Variants in PISD observed in about 807,000 individuals in gnomAD.
The protein encoded by PISD is phosphatidylserine decarboxylase proenzyme, mitochondrial.
A neutral mutation model predicts 43.5 loss-of-function variants in PISD; 31 were observed. The ratio of observed to expected loss-of-function variants is 0.71; its 90% CI spans 0.54 to 0.96. The LOEUF (loss-of-function observed/expected upper bound fraction) is 0.96. Ranked by LOEUF, PISD falls within the 40% of genes least tolerant of loss-of-function variation. PISD has a pLI of 0.00. For synonymous variants in PISD, 259 were observed against 228.7 expected (o/e 1.13, Z -1.20); for missense variants, 523 against 548.4 (o/e 0.95, Z 0.46).
rs2073139314 is a variant in PISD at position 31,630,317 on chromosome 22, AC to A, written c.322-8433del. Reference sequence around the variant, plus strand: ...TCTGGGCAAAGGCAGTAAGCCGGCCACCCGCTCCCTGGCCCTCGGGCGCCGC... The same window carrying A: ...TCTGGGCAAAGGCAGTAAGCCGGCCACCGCTCCCTGGCCCTCGGGCGCCGC... On this transcript the variant is annotated intron_variant, in intron 3 of 7. Coordinates refer to ENST00000439502, the MANE Select transcript of PISD (RefSeq NM_001326411.2). This position sits in a 1 kb window ranked among gnomAD's most constrained non-coding sequence, Gnocchi z 4.4. Among the ~76,000 whole-genome samples the A allele has an allele frequency of 1.3e-5, 2 of 151,832 alleles. No homozygotes were observed. The highest frequency in any genetic ancestry group is 4.8e-5 in the African/African-American group (2 of 41,304).
intron 3 of PISD, chr22:31,638,395 G>A (rs2073580104): frequency 3.0e-6 from 3 of 985,428 alleles, no homozygotes; most frequent in Admixed American, 6.2e-5. Context: ...AAGCAAAAGT[G>A]TCCACCAAAT....
chr22:31,634,779 A>G (rs2073356966), intron 3 of PISD, among the ~76,000 whole-genome samples: 1 of 137,458 alleles, frequency 7.3e-6, no homozygotes, highest in Non-Finnish European at 1.5e-5. Context: ...CAGAGGTTGC[A>G]GTGAGCTGAG....
intron 3 of PISD, among the ~76,000 whole-genome samples, chr22:31,625,382 T>G (rs1242689365): frequency 6.6e-6 from 1 of 152,138 alleles, no homozygotes; most frequent in Non-Finnish European, 1.5e-5. Flanking sequence ...AGGGACCAAC[T>G]GGGAAGAGCT....
chr22:31,640,356 C>A, intron 3 of PISD, among the ~76,000 whole-genome samples: 1 of 151,848 alleles, frequency 6.6e-6, no homozygotes. Flanking sequence ...TGCCACCACA[C>A]CGGTTGATTT....
chr22:31,621,869 G>GA lies in PISD; in HGVS notation c.337dup (p.Ser113PhefsTer76), dbSNP rs778194666. On this transcript the variant is annotated frameshift_variant, in exon 4 of 8. Coordinates refer to ENST00000439502, the MANE Select transcript of PISD (RefSeq NM_001326411.2). LOFTEE classifies it high-confidence loss of function. Reference sequence around the variant, plus strand: ...CCGTGACAGCAAGCGCGTTGGCACTGACTTGTACAAAGCCACCTGCAGGCC... The same window carrying GA: ...CCGTGACAGCAAGCGCGTTGGCACTGAACTTGTACAAAGCCACCTGCAGGCC... The GA allele has an allele frequency of 3.8e-5, 61 of 1,608,664 alleles. No homozygotes were observed. The highest frequency in any genetic ancestry group is 2.3e-4 in the Admixed American group (14 of 60,010).
intron 3 of PISD, among the ~76,000 whole-genome samples, chr22:31,637,167 ATATATATATATATAT>A (rs2073519592): frequency 1.0e-4 from 2 of 19,226 alleles, no homozygotes; most frequent in African/African-American, 3.5e-4. Context: ...AAAAAAAAAT[ATATATATATATATAT>A]ATATATATAT....
At chr22:31,642,474 C>G (rs947896449) in intron 3 of PISD, among the ~76,000 whole-genome samples, 1 of 150,392 alleles carries the variant, frequency 6.6e-6, no homozygotes, top group African/African-American at 2.5e-5. Flanking sequence ...AAACAAAAAA[C>G]AAACAAACAG....
rs2073175354 is a variant in PISD at position 31,630,868 on chromosome 22, G to C, written c.322-8983C>G. On this transcript the variant is annotated intron_variant, in intron 3 of 7. Coordinates refer to ENST00000439502, the MANE Select transcript of PISD (RefSeq NM_001326411.2). This position sits in a 1 kb window ranked among gnomAD's most constrained non-coding sequence, Gnocchi z 4.4. Reference sequence around the variant, plus strand: ...GGCGCTCCCGGAGCCGGGAAGCCTTGGGGCGAGTGGGCGGGGCTCGGGCTC... The same window carrying C: ...GGCGCTCCCGGAGCCGGGAAGCCTTCGGGCGAGTGGGCGGGGCTCGGGCTC... 4.1e-6 allele frequency: 4 copies of C among 985,434 alleles called. No homozygotes were observed. Among genetic ancestry groups the C allele is most frequent in the South Asian group, 9.4e-5 (2 of 21,290 alleles). The allele number at this position is 985,434 out of a possible 1,614,324, so 61.0% of individuals were successfully genotyped here.
intron 3 of PISD, chr22:31,623,626 C>A (rs1169798545): frequency 5.2e-6 from 8 of 1,526,830 alleles, no homozygotes; most frequent in Non-Finnish European, 7.1e-6. Context: ...CTCCTGCACC[C>A]CAACCTCAGG....
chr22:31,660,535 G>C (rs2074288287), intron 1 of PISD, among the ~76,000 whole-genome samples: 1 of 152,056 alleles, frequency 6.6e-6, no homozygotes, highest in South Asian at 2.1e-4. Context: ...GCGTGCACCT[G>C]TGGTCCTAGC....
intron 3 of PISD, among the ~76,000 whole-genome samples, chr22:31,626,627 G>C (rs2072924347): frequency 1.3e-5 from 2 of 152,144 alleles, no homozygotes; most frequent in Non-Finnish European, 2.9e-5. Flanking sequence ...GAACAGGCCA[G>C]GACTGCAGCA....
In PISD at chr22:31,630,209, G is replaced by A. The variant is rs2073132862; in HGVS notation, c.322-8324C>T. On this transcript the variant is annotated intron_variant, in intron 3 of 7. Transcript: ENST00000439502. The surrounding 1 kb of genome is among the most constrained non-coding windows in gnomAD (Gnocchi z 4.4). ...CCAGGAGGCCCTGGGAAGAGGGCAG[G>A]CAGGACTCGCAGGGGTCTATCCTAG... Among the ~76,000 whole-genome samples, 1 of 152,116 alleles carries A rather than the reference G, an allele frequency of 6.6e-6. No homozygotes were observed.
Position 31,621,817 on chromosome 22 carries a change from C to G in PISD, c.390G>C (p.Glu130Asp). Reference sequence around the variant, plus strand: ...CGGGCCTGCGCAGCCAGTGTGGCAGCTCCACCTGATTGAGGCGACCCCAGG... The same window carrying G: ...CGGGCCTGCGCAGCCAGTGTGGCAGGTCCACCTGATTGAGGCGACCCCAGG... Reference protein sequence around the residue: ...SRAWGRLNQVELPHWLRRPVY... With the variant: ...SRAWGRLNQVDLPHWLRRPVY... The change falls in exon 4 of 8, where the codon GAG becomes GAC. Residue 130 changes from glutamate (E) to aspartate (D), a missense_variant. Physicochemically the swap from Glu to Asp is conservative, Grantham distance 45 (BLOSUM62 2). Coordinates refer to ENST00000439502, the MANE Select transcript of PISD (RefSeq NM_001326411.2). 6.2e-7 allele frequency: 1 copy of G among 1,613,554 alleles called. No homozygotes were observed. The highest frequency in any genetic ancestry group is 1.1e-5 in the South Asian group (1 of 91,088).
At chr22:31,661,973 C>A (rs2074332308) in intron 1 of PISD, among the ~76,000 whole-genome samples, 171 bp downstream of exon 1, 1 of 152,160 alleles carries the variant, frequency 6.6e-6, no homozygotes, top group East Asian at 1.9e-4. Context: ...TAAATCCGGA[C>A]CGCCCTACGC....
chr22:31,647,848 C>T (rs1397118326), intron 3 of PISD, among the ~76,000 whole-genome samples: 1 of 152,186 alleles, frequency 6.6e-6, no homozygotes, highest in Non-Finnish European at 1.5e-5. Context: ...TCAAGACATA[C>T]ACTCTGAGAC....
intron 1 of PISD, among the ~76,000 whole-genome samples, chr22:31,655,337 A>C (rs2074142231): frequency 6.9e-6 from 1 of 144,556 alleles, no homozygotes; most frequent in Non-Finnish European, 1.5e-5. Context: ...TTTCCCAGAG[A>C]TGGGGTCTCG....
chr22:31,645,055 AG>A (rs1436254400), intron 3 of PISD, among the ~76,000 whole-genome samples: 2 of 152,064 alleles, frequency 1.3e-5, no homozygotes, highest in Non-Finnish European at 2.9e-5. Context: ...CCAAGGGTGG[AG>A]CTTGCAGTGA....
chr22:31,627,111 G>A (rs76168705), intron 3 of PISD, among the ~76,000 whole-genome samples: 1,904 of 152,358 alleles, frequency 0.012, 93 homozygotes, highest in Admixed American at 0.074. Flanking sequence ...CCGAAGCCCC[G>A]GGTATGAGAT....
At chr22:31,648,843 C>T (rs977980269) in intron 2 of PISD, among the ~76,000 whole-genome samples, 1 of 152,064 alleles carries the variant, frequency 6.6e-6, no homozygotes, top group East Asian at 1.9e-4. Flanking sequence ...ACCGCAGTCA[C>T]AAAATGTATT....
Sources: gnomAD v4.1 joint callset for allele counts (sites outside exome capture counted in the v4.1 genomes callset) on GRCh38, gnomAD v4.1.1 for gene constraint, Gnocchi (gnomAD v3.1) non-coding constraint, MANE v1.5 for transcripts, NCBI Gene and HGNC (gene_info 2026-07-23, HGNC 2026-07-21) for gene names.